FRK: variants seen among roughly 807,000 people sequenced by gnomAD.
FRK encodes tyrosine-protein kinase FRK.
A neutral mutation model predicts 56.4 loss-of-function variants in FRK; 51 were observed. The ratio of observed to expected loss-of-function variants is 0.90; its 90% CI spans 0.72 to 1.14. The LOEUF (loss-of-function observed/expected upper bound fraction) is 1.14. Among genes scored for constraint, FRK ranks in the 50% most tolerant of loss-of-function variants. The pLI is 0.00. For synonymous variants in FRK, 245 were observed against 217.9 expected, an observed-to-expected ratio of 1.12 and a Z score of -1.10; for missense variants, 570 against 601.4, an observed-to-expected ratio of 0.95 and a Z score of 0.55.
chr6:116,095,894 C>T, the FRK span, among the ~76,000 whole-genome samples: 1 of 151,988 alleles, frequency 6.6e-6, no homozygotes, highest in African/African-American at 2.4e-5. Flanking sequence ...TATGAGATGC[C>T]GCCCAGCATT....
chr6:116,028,981 A>G (rs182345351), intron 1 of FRK, among the ~76,000 whole-genome samples: 223 of 152,246 alleles, frequency 1.5e-3, no homozygotes, highest in Non-Finnish European at 1.5e-3. Flanking sequence ...CACTGAGCAG[A>G]CAGTTGAGAT....
At chr6:115,999,185 A>G (rs1774953781) in intron 2 of FRK, among the ~76,000 whole-genome samples, 1 of 152,232 alleles carries the variant, frequency 6.6e-6, no homozygotes, top group Admixed American at 6.5e-5. Flanking sequence ...AAACCAGTTG[A>G]CATGCAGTTA....
At chr6:115,971,712 C>T (rs1396333423) in intron 2 of FRK, among the ~76,000 whole-genome samples, 2 of 152,166 alleles carry the variant, frequency 1.3e-5, no homozygotes, top group African/African-American at 4.8e-5. Flanking sequence ...TGCCCAGTCC[C>T]AGATGATAAC....
At chr6:115,942,921 C>T (rs1772249842) in intron 7 of FRK, 99 bp downstream of exon 7, 10 of 1,180,468 alleles carry the variant, frequency 8.5e-6, no homozygotes, top group Non-Finnish European at 1.2e-5. Flanking sequence ...GTATGGTCAG[C>T]CTCATAACTC....
chr6:115,969,926 C>T (rs925239071), intron 2 of FRK, among the ~76,000 whole-genome samples: 1 of 152,196 alleles, frequency 6.6e-6, no homozygotes, highest in Non-Finnish European at 1.5e-5. Context: ...TTGACTAATG[C>T]ACTTTATACC....
chr6:116,083,685 CAGGTACTACTGCT>C, the FRK span, among the ~76,000 whole-genome samples: 2 of 152,150 alleles, frequency 1.3e-5, no homozygotes, highest in African/African-American at 4.8e-5. Context: ...AACAAGTTCC[CAGGTACTACTGCT>C]AGGAACCACA....
At chr6:115,950,959 A>T (rs1213086837) in intron 5 of FRK, among the ~76,000 whole-genome samples, 1 of 152,222 alleles carries the variant, frequency 6.6e-6, no homozygotes, top group Admixed American at 6.5e-5. Flanking sequence ...CATAAGTGAG[A>T]GTTGAACAGT....
the FRK span, among the ~76,000 whole-genome samples, chr6:116,085,432 A>G: frequency 6.6e-6 from 1 of 152,238 alleles, no homozygotes. Context: ...TTCATAACAC[A>G]TATGTATTAT....
At chr6:116,008,044 C>A (rs896009455) in intron 1 of FRK, among the ~76,000 whole-genome samples, 2 of 152,038 alleles carry the variant, frequency 1.3e-5, no homozygotes, top group African/African-American at 4.8e-5. Context: ...AGATTAAGTT[C>A]TCCAGAATTA....
intron 4 of FRK, among the ~76,000 whole-genome samples, chr6:115,958,117 T>C (rs1459015258): frequency 6.6e-6 from 1 of 152,198 alleles, no homozygotes; most frequent in Non-Finnish European, 1.5e-5. Context: ...TCTCTACCAC[T>C]GGTTTACTCC....
At chr6:116,080,758 C>T in the FRK span, among the ~76,000 whole-genome samples, 3 of 149,200 alleles carry the variant, frequency 2.0e-5, no homozygotes, top group Non-Finnish European at 3.0e-5. Context: ...ATAGCATATG[C>T]TCAAAGTCAT....
intron 2 of FRK, among the ~76,000 whole-genome samples, chr6:115,974,401 G>T (rs1773918097): frequency 6.6e-6 from 1 of 152,158 alleles, no homozygotes; most frequent in Non-Finnish European, 1.5e-5. Flanking sequence ...ATATTTGCCA[G>T]ATCTTTATGA....
chr6:116,098,100 C>CTTTT, the FRK span, among the ~76,000 whole-genome samples: 4 of 84,238 alleles, frequency 4.7e-5, no homozygotes, highest in Admixed American at 1.6e-4. Context: ...TTACAGACAG[C>CTTTT]TTTTTTTTTT....
At chr6:116,020,430 T>A (rs1323317626) in intron 1 of FRK, among the ~76,000 whole-genome samples, 1 of 152,086 alleles carries the variant, frequency 6.6e-6, no homozygotes, top group African/African-American at 2.4e-5. Context: ...TAGCTAGGAT[T>A]ACAGGCACAC....
intron 1 of FRK, among the ~76,000 whole-genome samples, chr6:116,019,124 A>G (rs752412109): frequency 1.3e-5 from 2 of 152,168 alleles, no homozygotes; most frequent in African/African-American, 2.4e-5. Flanking sequence ...CCTTTCCTTC[A>G]TAGCTCTTTC....
Position 115,932,898 on chromosome 6 carries a change from G to GCTCA in FRK, c.*9515_*9516insTGAG, listed in dbSNP as rs1295285140. 2 of 152,104 alleles carry GCTCA rather than the reference G, an allele frequency of 1.3e-5. No individual in the cohort carries two copies. The highest frequency in any genetic ancestry group is 4.8e-5 in the African/African-American group (2 of 41,402). The allele number at this position is 152,104 out of a possible 1,614,324, so 9.4% of individuals were successfully genotyped here. A position where few individuals can be genotyped will look rare whatever the true frequency, so the allele number is the denominator to read the frequency against. On this transcript the variant is annotated 3_prime_UTR_variant, in exon 8 of 8. Transcript: ENST00000606080. Reference sequence around the variant, plus strand: ...ACAGATATTGTGGGTAGAAGCTGAGGGTGAGCCTAGCCTGATGTTACCCCA... The same window carrying GCTCA: ...ACAGATATTGTGGGTAGAAGCTGAGGCTCAGTGAGCCTAGCCTGATGTTACCCCA...
At chr6:115,976,848 T>C (rs1774008807) in intron 2 of FRK, among the ~76,000 whole-genome samples, 1 of 152,164 alleles carries the variant, frequency 6.6e-6, no homozygotes, top group South Asian at 2.1e-4. Context: ...AATGTGTGAA[T>C]ACTGTATCAC....
At chr6:116,094,771 GAGA>G in the FRK span, among the ~76,000 whole-genome samples, 1 of 152,160 alleles carries the variant, frequency 6.6e-6, no homozygotes, top group Non-Finnish European at 1.5e-5. Context: ...GTCAGAGAAA[GAGA>G]AGAAGAGAGG....
chr6:116,038,909 C>T, intron 1 of FRK: 1 of 611,248 alleles, frequency 1.6e-6, no homozygotes, highest in South Asian at 1.4e-5. Flanking sequence ...CGACTTTGCC[C>T]CAGAAGCTAG....
Sources: allele counts gnomAD v4.1 joint callset (sites outside exome capture counted in the v4.1 genomes callset), GRCh38; gene constraint gnomAD v4.1.1; transcripts MANE v1.5; gene names NCBI Gene and HGNC (gene_info 2026-07-23, HGNC 2026-07-21).